HIVEP3: variants seen among roughly 807,000 people sequenced by gnomAD.
The protein encoded by HIVEP3 is transcription factor HIVEP3.
HIVEP3 carries 49 observed loss-of-function variants against 152.8 expected under a neutral mutation model. The observed-to-expected ratio is 0.32, with a 90% CI of 0.26 to 0.41. The LOEUF is 0.41. HIVEP3 is among the 10% of genes least tolerant of loss of function. The pLI is 1.00. For synonymous variants in HIVEP3, 1,269 were observed against 1,289.0 expected (o/e 0.98, Z 0.33); for missense variants, 2,790 against 3,103.3 (o/e 0.90, Z 2.40).
At chr1:41,550,517 T>A (rs1335181078) in intron 5 of HIVEP3, among the ~76,000 whole-genome samples, 1 of 152,248 alleles carries the variant, frequency 6.6e-6, no homozygotes, top group Admixed American at 6.5e-5. Context: ...GAAATGGTCT[T>A]CCATTTGTTT....
intron 1 of HIVEP3, among the ~76,000 whole-genome samples, chr1:41,950,598 G>A (rs948759033): frequency 3.9e-5 from 6 of 152,106 alleles, no homozygotes; most frequent in African/African-American, 7.2e-5. Context: ...ATTCTCACAG[G>A]AAAAATGACT....
chr1:41,698,428 G>A (rs935263065), intron 2 of HIVEP3, among the ~76,000 whole-genome samples: 1 of 152,142 alleles, frequency 6.6e-6, no homozygotes, highest in African/African-American at 2.4e-5. Flanking sequence ...AATTCCAGTC[G>A]AGAAAAGTCT....
chr1:41,511,135 G>A lies in HIVEP3; in HGVS notation c.6537C>T (p.His2179=). 6.2e-7 allele frequency: 1 copy of A among 1,614,204 alleles called. No individual in the cohort carries two copies. The highest frequency in any genetic ancestry group is 8.5e-7 in the Non-Finnish European group (1 of 1,180,034). The change falls in exon 9 of 9, where the codon CAC becomes CAT. Residue 2179 remains histidine, a synonymous_variant. Coordinates refer to ENST00000372583, the MANE Select transcript of HIVEP3 (RefSeq NM_024503.5). This position sits in a 1 kb window ranked among gnomAD's most constrained non-coding sequence, Gnocchi z 4.9. ...TCAAGTGCTGGGAGTGCAGAGGCAG[G>A]TGGCTGAAGATGTTCTCCTCTGTCC... ...LARTEENIFS[H]LPLHSQHLTR...
intron 1 of HIVEP3, among the ~76,000 whole-genome samples, chr1:41,749,432 G>GTGTGTGTGTGTGTGT (rs57099184): frequency 1.9e-4 from 29 of 151,094 alleles, no homozygotes; most frequent in Non-Finnish European, 3.0e-4. Context: ...GTGTGTGTGT[G>GTGTGTGTGTGTGTGT]ATGGAGAGAC....
In HIVEP3 at chr1:41,605,406, CAT is replaced by C. The variant is rs61485054; in HGVS notation, c.-521-20090_-521-20089del. On this transcript the variant is annotated intron_variant, in intron 3 of 8. Coordinates refer to ENST00000372583, the MANE Select transcript of HIVEP3 (RefSeq NM_024503.5). Reference sequence around the variant, plus strand: ...ACACACACACACACACACACACACACATACATATGTTAAAAAGAAAACTATTC... The same window carrying C: ...ACACACACACACACACACACACACACACATATGTTAAAAAGAAAACTATTC... Among the ~76,000 whole-genome samples, 298 of 143,432 alleles carry C rather than the reference CAT, an allele frequency of 2.1e-3. 2 individuals carry two copies. Among genetic ancestry groups the C allele is most frequent in the African/African-American group, 7.6e-3 (277 of 36,548 alleles). The allele number at this position is 143,432 out of a possible 152,430, so 94.1% of individuals were successfully genotyped here. A position where few individuals can be genotyped will look rare whatever the true frequency, so the allele number is the denominator to read the frequency against.
intron 2 of HIVEP3, among the ~76,000 whole-genome samples, chr1:41,660,166 T>C (rs1307863015): frequency 1.6e-4 from 24 of 151,780 alleles, no homozygotes; most frequent in Admixed American, 1.6e-3. Flanking sequence ...GGTGTTTGAG[T>C]GTGTAAGAGT....
intron 2 of HIVEP3, among the ~76,000 whole-genome samples, chr1:41,649,371 G>T (rs1432882777): frequency 6.6e-6 from 1 of 152,198 alleles, no homozygotes; most frequent in Non-Finnish European, 1.5e-5. Flanking sequence ...CCAGGAATCT[G>T]TATTTCCCCA....
chr1:41,785,016 A>C (rs549054181), intron 1 of HIVEP3, among the ~76,000 whole-genome samples: 1 of 152,308 alleles, frequency 6.6e-6, no homozygotes, highest in Admixed American at 6.5e-5. Flanking sequence ...GAGATCCCCC[A>C]AGAGGGCAGC....
At position 41,645,674 on chromosome 1, in the gene HIVEP3, T is replaced by C. The variant is rs148724590; in HGVS notation, c.-720-16727A>G. On this transcript the variant is annotated intron_variant, in intron 2 of 8. Coordinates refer to ENST00000372583, the MANE Select transcript of HIVEP3 (RefSeq NM_024503.5). ...GGAGCACCAGGCCCTGTTTGTCTTG[T>C]TCCCAAGCTGTAGCCCAGCCTCCAG... Among the ~76,000 whole-genome samples, 423 of 152,354 alleles carry C rather than the reference T, an allele frequency of 2.8e-3. 11 individuals carry two copies. In the East Asian group the frequency reaches 0.068, roughly 25 times the overall value.
intron 5 of HIVEP3, among the ~76,000 whole-genome samples, chr1:41,527,526 T>A (rs1643030279): frequency 2.0e-5 from 2 of 98,088 alleles, no homozygotes; most frequent in East Asian, 3.2e-4. Flanking sequence ...CGCCCTCACA[T>A]GCTCACCCTC....
Position 41,584,596 on chromosome 1 carries a change from C to G in HIVEP3, c.202G>C (p.Glu68Gln). 6.2e-7 allele frequency: 1 copy of G among 1,613,534 alleles called. No homozygotes were observed. Among genetic ancestry groups the G allele is most frequent in the East Asian group, 2.2e-5 (1 of 44,880 alleles). ...TGGCCCGTTTTCTCCTGAGAGCCTT[C>G]CCTAAGAACTGATGAGGGGCCCGGG... is the stretch of plus-strand genomic sequence containing the variant. The part of the protein sequence containing the change: ...PFPGPSSVLR[E>Q]GSQEKTGQQQ... Residue 68 changes from glutamate to glutamine, a missense_variant, in exon 4 of 9, where the codon GAA becomes CAA. Transcript: ENST00000372583. This position sits in a 1 kb window ranked among gnomAD's most constrained non-coding sequence, Gnocchi z 5.2.
At chr1:41,767,665 C>T (rs4660575) in intron 1 of HIVEP3, among the ~76,000 whole-genome samples, 4 of 152,008 alleles carry the variant, frequency 2.6e-5, no homozygotes, top group Non-Finnish European at 2.9e-5. Flanking sequence ...CAAATACCCG[C>T]GAACAAGCAC....
At chr1:41,555,502 C>T in intron 5 of HIVEP3, among the ~76,000 whole-genome samples, 1 of 152,194 alleles carries the variant, frequency 6.6e-6, no homozygotes, top group South Asian at 2.1e-4. Context: ...ATGGGCTGCA[C>T]CCACTCTCCA....
chr1:41,828,200 G>A (rs1385816429), intron 1 of HIVEP3, among the ~76,000 whole-genome samples: 1 of 152,158 alleles, frequency 6.6e-6, no homozygotes, highest in Non-Finnish European at 1.5e-5. Flanking sequence ...GAGGGTCCTT[G>A]CAAGGTCACA....
chr1:41,810,137 A>G (rs2124326044), intron 1 of HIVEP3, among the ~76,000 whole-genome samples: 1 of 152,330 alleles, frequency 6.6e-6, no homozygotes, highest in South Asian at 2.1e-4. Flanking sequence ...TCTCACAGAT[A>G]GTCCCCCAGC....
intron 1 of HIVEP3, among the ~76,000 whole-genome samples, chr1:41,824,764 T>TAGAG: frequency 2.8e-5 from 1 of 36,132 alleles, no homozygotes; most frequent in Non-Finnish European, 5.7e-5. Flanking sequence ...TATATATATA[T>TAGAG]ATATATATAT....
At chr1:41,527,717 T>G (rs1372855582) in intron 5 of HIVEP3, among the ~76,000 whole-genome samples, 9 of 105,132 alleles carry the variant, frequency 8.6e-5, no homozygotes. Context: ...CACCCTCACA[T>G]GCTCACCCTC....
At chr1:41,671,149 G>A (rs779303455) in intron 2 of HIVEP3, among the ~76,000 whole-genome samples, 2 of 152,210 alleles carry the variant, frequency 1.3e-5, no homozygotes, top group Non-Finnish European at 2.9e-5. Context: ...GGACTTGTGA[G>A]GAGTTAATGA....
chr1:41,973,009 G>T (rs528438855), intron 1 of HIVEP3, among the ~76,000 whole-genome samples: 153 of 151,956 alleles, frequency 1.0e-3, no homozygotes, highest in African/African-American at 3.6e-3. Flanking sequence ...GAAGATAGAA[G>T]AAGGTATTCC....
Sources: gnomAD v4.1 joint callset for allele counts (sites outside exome capture counted in the v4.1 genomes callset) on GRCh38, gnomAD v4.1.1 for gene constraint, Gnocchi (gnomAD v3.1) non-coding constraint, MANE v1.5 for transcripts, NCBI Gene and HGNC (gene_info 2026-07-23, HGNC 2026-07-21) for gene names.